Variants in SHISA9 observed in about 807,000 individuals in gnomAD.
SHISA9 encodes the protein protein shisa-9.
Under a neutral mutation model 38.0 loss-of-function variants are expected in SHISA9, and 13 were observed. The ratio of observed to expected loss-of-function variants is 0.34; its 90% CI spans 0.22 to 0.54. The LOEUF is 0.54. Ranked by LOEUF, SHISA9 falls within the 20% of genes least tolerant of loss-of-function variation. The pLI, the probability that SHISA9 is intolerant of heterozygous loss-of-function variation, is 0.91. For missense variants in SHISA9, 538 were observed against 575.8 expected (o/e 0.93, Z 0.67); for synonymous variants, 275 against 242.0 (o/e 1.14, Z -1.27).
the SHISA9 span, among the ~76,000 whole-genome samples, chr16:13,456,855 C>T: frequency 6.6e-6 from 1 of 152,202 alleles, no homozygotes; most frequent in East Asian, 1.9e-4. Context: ...TGCTTATCAT[C>T]ACATGTTGAT....
At chr16:13,012,062 G>C (rs914730505) in intron 2 of SHISA9, among the ~76,000 whole-genome samples, 1 of 152,066 alleles carries the variant, frequency 6.6e-6, no homozygotes, top group Non-Finnish European at 1.5e-5. Context: ...CTGACCTCAT[G>C]TGATCCACCC....
the SHISA9 span, among the ~76,000 whole-genome samples, chr16:13,283,944 G>A: frequency 1.3e-5 from 2 of 152,038 alleles, no homozygotes. Flanking sequence ...CTCACCTTGA[G>A]AATGGACAAG....
At chr16:13,276,553 G>A in the SHISA9 span, among the ~76,000 whole-genome samples, 2 of 151,948 alleles carry the variant, frequency 1.3e-5, no homozygotes, top group African/African-American at 2.4e-5. Flanking sequence ...AGTGTTCCCT[G>A]TTCACCATAT....
chr16:13,436,925 A>G, the SHISA9 span, among the ~76,000 whole-genome samples: 30 of 152,360 alleles, frequency 2.0e-4, no homozygotes, highest in Non-Finnish European at 3.8e-4. Flanking sequence ...GGTTTCACCA[A>G]CAGTTCAAAG....
At chr16:13,259,576 T>C in the SHISA9 span, among the ~76,000 whole-genome samples, 10 of 152,238 alleles carry the variant, frequency 6.6e-5, no homozygotes, top group East Asian at 1.9e-3. Flanking sequence ...CTTTTACCTA[T>C]GCATCCAAGA....
the SHISA9 span, among the ~76,000 whole-genome samples, chr16:13,551,079 A>G: frequency 1.3e-5 from 2 of 151,204 alleles, no homozygotes; most frequent in South Asian, 2.1e-4. Context: ...AGCCGAGATC[A>G]CGCCACTGCA....
At chr16:13,138,733 G>T (rs748947199) in intron 2 of SHISA9, among the ~76,000 whole-genome samples, 1 of 152,218 alleles carries the variant, frequency 6.6e-6, no homozygotes, top group Non-Finnish European at 1.5e-5. Flanking sequence ...TTGTTCACAT[G>T]CAAAGAATTG....
chr16:13,510,863 C>T, the SHISA9 span, among the ~76,000 whole-genome samples: 3 of 152,008 alleles, frequency 2.0e-5, no homozygotes, highest in South Asian at 2.1e-4. Flanking sequence ...TTGTCATCTA[C>T]GTACTTTAGC....
At chr16:13,062,588 G>A (rs959647657) in intron 2 of SHISA9, among the ~76,000 whole-genome samples, 4 of 152,118 alleles carry the variant, frequency 2.6e-5, no homozygotes, top group Non-Finnish European at 5.9e-5. Context: ...AGTTGAGGGT[G>A]TGAGTTATCA....
the SHISA9 span, among the ~76,000 whole-genome samples, chr16:13,400,047 G>C: frequency 6.6e-6 from 1 of 152,186 alleles, no homozygotes; most frequent in Non-Finnish European, 1.5e-5. Flanking sequence ...ATCTCTACAA[G>C]TAAAAGCTTT....
the SHISA9 span, among the ~76,000 whole-genome samples, chr16:13,517,145 C>T: frequency 6.6e-6 from 1 of 152,254 alleles, no homozygotes; most frequent in Middle Eastern, 3.4e-3. Context: ...CAGAGACACA[C>T]ATAGAGAAGA....
chr16:13,067,530 T>A (rs997986715), intron 2 of SHISA9, among the ~76,000 whole-genome samples: 1 of 152,272 alleles, frequency 6.6e-6, no homozygotes, highest in Non-Finnish European at 1.5e-5. Context: ...ATGTGTTCTA[T>A]GTGGCATGTA....
At chr16:13,114,412 G>A (rs1195683521) in intron 2 of SHISA9, among the ~76,000 whole-genome samples, 3 of 139,172 alleles carry the variant, frequency 2.2e-5, no homozygotes, top group Non-Finnish European at 4.5e-5. Flanking sequence ...CTTGCAGTGA[G>A]ACGAGATTGC....
rs1190671156 is a variant in SHISA9, at chr16:13,019,876, C to T, written c.691+103061C>T. The stretch of plus-strand genomic sequence containing the variant: ...CCTCCCTCCCTCCCTCCCTCCCTCC[C>T]TCCCTCCCTTCTTTCTTTCTTTCTT... On this transcript the variant is annotated intron_variant, in intron 2 of 4. Coordinates refer to ENST00000558583, the MANE Select transcript of SHISA9 (RefSeq NM_001145204.3). Among the ~76,000 whole-genome samples, 72 of 32,390 alleles carry T rather than the reference C, an allele frequency of 2.2e-3. 5 individuals are homozygous for T. The highest frequency in any genetic ancestry group is 8.1e-3 in the African/African-American group (56 of 6,948). The allele number at this position is 32,390 out of a possible 152,430, so 21.2% of individuals were successfully genotyped here.
At chr16:13,206,753 A>G (rs2051068757) in intron 3 of SHISA9, among the ~76,000 whole-genome samples, 1 of 152,204 alleles carries the variant, frequency 6.6e-6, no homozygotes, top group Non-Finnish European at 1.5e-5. Context: ...TTCACATTGA[A>G]TTTCTATGCC....
At chr16:13,016,898 G>A (rs991777667) in intron 2 of SHISA9, among the ~76,000 whole-genome samples, 13 of 152,154 alleles carry the variant, frequency 8.5e-5, no homozygotes, top group Non-Finnish European at 1.8e-4. Flanking sequence ...AGCATTCCAC[G>A]ATATTAGGAA....
At chr16:13,309,866 T>TTATTTACTTATC in the SHISA9 span, among the ~76,000 whole-genome samples, 1 of 151,734 alleles carries the variant, frequency 6.6e-6, no homozygotes, top group Non-Finnish European at 1.5e-5. Flanking sequence ...TTTTATTTAT[T>TTATTTACTTATC]TATTTACTTA....
intron 2 of SHISA9, among the ~76,000 whole-genome samples, chr16:13,130,409 T>G (rs1180959663): frequency 4.6e-5 from 7 of 151,016 alleles, no homozygotes; most frequent in Non-Finnish European, 1.5e-5. Flanking sequence ...TAATTCTATG[T>G]TTTTTTGTTT....
At chr16:13,226,631 C>G (rs1487278941) in intron 4 of SHISA9, among the ~76,000 whole-genome samples, 1 of 152,204 alleles carries the variant, frequency 6.6e-6, no homozygotes, top group African/African-American at 2.4e-5. Flanking sequence ...AACCATTTAT[C>G]GAGATCATGA....
Sources: gnomAD v4.1 joint callset for allele counts (sites outside exome capture counted in the v4.1 genomes callset) on GRCh38, gnomAD v4.1.1 for gene constraint, MANE v1.5 for transcripts, NCBI Gene and HGNC (gene_info 2026-07-23, HGNC 2026-07-21) for gene names.